NFAM1: variants seen among roughly 807,000 people sequenced by gnomAD.
NFAM1 encodes NFAT activation molecule 1.
NFAM1 carries 17 observed loss-of-function variants against 29.0 expected under a neutral mutation model. The observed-to-expected ratio is 0.59, with a 90% confidence interval of 0.40 to 0.88. NFAM1 has a LOEUF of 0.88. Ranked by LOEUF, NFAM1 falls within the 40% of genes least tolerant of loss-of-function variation. NFAM1 has a pLI of 0.00. For synonymous variants in NFAM1, 175 were observed against 147.2 expected (o/e 1.19, Z -1.36); for missense variants, 324 against 344.6 (o/e 0.94, Z 0.47).
intron 2 of NFAM1, among the ~76,000 whole-genome samples, chr22:42,411,005 A>ATTTCT (rs1299087537): frequency 8.2e-6 from 1 of 121,986 alleles, no homozygotes; most frequent in East Asian, 2.5e-4. Context: ...ACCATTCTCT[A>ATTTCT]TTTCTTTTCT....
intron 3 of NFAM1, among the ~76,000 whole-genome samples, chr22:42,408,227 T>C (rs891583563): frequency 1.3e-5 from 2 of 152,202 alleles, no homozygotes; most frequent in Admixed American, 6.5e-5. Context: ...AGTTTGGTCA[T>C]TGCTGTATCC....
chr22:42,437,145 T>A, upstream of NFAM1: 1 of 237,770 alleles, frequency 4.2e-6, no homozygotes. Context: ...TTTTGTCTTT[T>A]TTTTTTTTTT....
intron 4 of NFAM1, among the ~76,000 whole-genome samples, chr22:42,392,234 A>G (rs1459286351): frequency 1.3e-5 from 2 of 152,034 alleles, no homozygotes; most frequent in Admixed American, 6.6e-5. Context: ...GGGGCTGAGG[A>G]GGTGTGATGG....
rs531243259 is a variant in NFAM1, at chr22:42,413,174, T to G, written c.122-1438A>C. Among the ~76,000 whole-genome samples, 6 of 152,296 alleles carry G rather than the reference T, an allele frequency of 3.9e-5. No individual in the cohort carries two copies. The South Asian group carries it at 1.2e-3, about 32-fold the overall frequency. On this transcript the variant is annotated intron_variant, in intron 1 of 5. Transcript: ENST00000329021. Reference sequence around the variant, plus strand: ...GGTCGGCAGCCAGCAGCCAAGAACATGCAGGCCGGATTGTTAATCGGGAGA... The same window carrying G: ...GGTCGGCAGCCAGCAGCCAAGAACAGGCAGGCCGGATTGTTAATCGGGAGA...
rs1222209907 is a variant in NFAM1 at position 42,411,562 on chromosome 22, C to A, written c.296G>T (p.Cys99Phe). The change falls in exon 2 of 6, where the codon TGC (cysteine) becomes TTC (phenylalanine). Residue 99 changes from cysteine (C) to phenylalanine (F), a missense_variant. Cys to Phe is a radical substitution (Grantham distance 205, BLOSUM62 -2). Transcript: ENST00000329021. Reference protein sequence around the residue: ...GQRSPKKPTNCHPGLGTENQS... With the variant: ...GQRSPKKPTNFHPGLGTENQS... The stretch of plus-strand genomic sequence containing the variant: ...GTTCTCTGTGCCCAGTCCAGGGTGG[C>A]AGTTTGTTGGCTTCTTAGGGCTCCT... 1 of 1,614,204 alleles carries A rather than the reference C, an allele frequency of 6.2e-7. No individual in the cohort carries two copies. Among genetic ancestry groups the A allele is most frequent in the Admixed American group, 1.7e-5 (1 of 60,020 alleles).
chr22:42,423,524 G>A (rs529533544), intron 1 of NFAM1, among the ~76,000 whole-genome samples: 1 of 147,194 alleles, frequency 6.8e-6, no homozygotes, highest in Non-Finnish European at 1.5e-5. Context: ...AGGCCAGTCT[G>A]GGCAACATAG....
intron 1 of NFAM1, among the ~76,000 whole-genome samples, chr22:42,420,021 T>TTTTTTTTTTTTTTTTTG (rs1930392545): frequency 1.0e-5 from 1 of 100,266 alleles, no homozygotes; most frequent in Non-Finnish European, 1.9e-5. Flanking sequence ...TTTTTTTTTT[T>TTTTTTTTTTTTTTTTTG]TTTTTCTGAG....
chr22:42,385,680 C>G lies in NFAM1; in HGVS notation c.754-460G>C, dbSNP rs1408600218. 1.8e-4 allele frequency among the ~76,000 whole-genome samples: 28 copies of G among 152,040 alleles called. No homozygotes were observed. The East Asian group carries it at 5.4e-3, about 30-fold the overall frequency. On this transcript the variant is annotated intron_variant, in intron 5 of 5. Coordinates refer to ENST00000329021, the MANE Select transcript of NFAM1 (RefSeq NM_145912.8). ...CTCTGTGTGTCCATGGGGTCAGCGA[C>G]CTATTCCTGCAGACTATGGCTCCCA...
chr22:42,411,759 G>A (rs746353630), intron 1 of NFAM1, 23 bp from the exon 2 acceptor site: 12 of 1,567,504 alleles, frequency 7.7e-6, no homozygotes, highest in Non-Finnish European at 1.1e-5. Context: ...CAAAGGGAGA[G>A]AGCAACAGGT....
At chr22:42,434,830 T>C (rs933707149), upstream of NFAM1, among the ~76,000 whole-genome samples, 12 of 152,196 alleles carry the variant, frequency 7.9e-5, no homozygotes, top group African/African-American at 2.7e-4. Context: ...AATTTGCAGG[T>C]GAGGTCCCTG....
intron 1 of NFAM1, among the ~76,000 whole-genome samples, chr22:42,424,013 C>G (rs952485769): frequency 9.8e-5 from 15 of 152,290 alleles, no homozygotes; most frequent in African/African-American, 3.6e-4. Flanking sequence ...CCATGCTGGT[C>G]TCAAACTCCT....
intron 1 of NFAM1, among the ~76,000 whole-genome samples, chr22:42,430,254 C>G (rs796500773): frequency 1.9e-4 from 28 of 147,036 alleles, no homozygotes; most frequent in African/African-American, 6.8e-4. Context: ...CGGAGCGAGA[C>G]CCTGTCTCAA....
chr22:42,437,115 A>C, upstream of NFAM1: 1 of 382,798 alleles, frequency 2.6e-6, no homozygotes, highest in Non-Finnish European at 3.6e-6. Context: ...ACAAAAAACA[A>C]AGGTGGCATG....
In NFAM1 at chr22:42,409,503, G is replaced by T; in HGVS notation, c.496C>A (p.Leu166Ile). The T allele has an allele frequency of 6.4e-7, 1 of 1,567,974 alleles. No homozygotes were observed. Among genetic ancestry groups the T allele is most frequent in the Non-Finnish European group, 8.7e-7 (1 of 1,155,984 alleles). Reference sequence around the variant, plus strand: ...CTCAGGAGGCCGGTGAAGCCAAAGAGCAGGAGCTTCTGTGGACTCTGCGGG... The same window carrying T: ...CTCAGGAGGCCGGTGAAGCCAAAGATCAGGAGCTTCTGTGGACTCTGCGGG... ...EPPQSPQKLL[L>I]FGFTGLLSVL... Residue 166 changes from leucine to isoleucine, a missense_variant, in exon 3 of 6, where the codon CTC becomes ATC. By Grantham distance (5) the Leu-to-Ile change is conservative. Coordinates refer to ENST00000329021, the MANE Select transcript of NFAM1 (RefSeq NM_145912.8). The surrounding 1 kb of genome is among the most constrained non-coding windows in gnomAD (Gnocchi z 4.9).
chr22:42,430,806 G>T (rs529741110), intron 1 of NFAM1, among the ~76,000 whole-genome samples: 2 of 152,220 alleles, frequency 1.3e-5, no homozygotes, highest in Admixed American at 6.5e-5. Flanking sequence ...GGGTGTGCTG[G>T]GTGTCTTTTG....
intron 3 of NFAM1, among the ~76,000 whole-genome samples, chr22:42,399,512 A>G (rs1929656502): frequency 6.6e-6 from 1 of 150,944 alleles, no homozygotes; most frequent in African/African-American, 2.4e-5. Flanking sequence ...GTGTGGCCCG[A>G]GAGAGGAGCC....
At chr22:42,386,703 T>C (rs1217057157) in intron 5 of NFAM1, among the ~76,000 whole-genome samples, 1 of 152,186 alleles carries the variant, frequency 6.6e-6, no homozygotes, top group African/African-American at 2.4e-5. Context: ...CTACCCTCAC[T>C]GAACATCTAT....
At chr22:42,429,234 T>C (rs1031898983) in intron 1 of NFAM1, among the ~76,000 whole-genome samples, 1 of 152,204 alleles carries the variant, frequency 6.6e-6, no homozygotes, top group African/African-American at 2.4e-5. Context: ...AGGCAGGCAG[T>C]GTTATCACAT....
intron 1 of NFAM1, among the ~76,000 whole-genome samples, chr22:42,412,722 G>A (rs1601751993): frequency 6.6e-6 from 1 of 152,250 alleles, no homozygotes; most frequent in African/African-American, 2.4e-5. Flanking sequence ...AGGCATTCAG[G>A]CAGCGGGAGA....
Sources: gnomAD v4.1 joint callset for allele counts (sites outside exome capture counted in the v4.1 genomes callset) on GRCh38, gnomAD v4.1.1 for gene constraint, Gnocchi (gnomAD v3.1) non-coding constraint, MANE v1.5 for transcripts, NCBI Gene and HGNC (gene_info 2026-07-23, HGNC 2026-07-21) for gene names.